Variants in RUNX2 observed in about 807,000 individuals in gnomAD.
The protein encoded by RUNX2 is RUNX family transcription factor 2.
A neutral mutation model predicts 51.7 loss-of-function variants in RUNX2; 10 were observed. The observed-to-expected ratio is 0.19, with a 90% CI of 0.12 to 0.33. The LOEUF (loss-of-function observed/expected upper bound fraction) is 0.33, where lower values mean the gene tolerates loss of function less well. Ranked by LOEUF, RUNX2 falls within the 10% of genes least tolerant of loss-of-function variation. The pLI, the probability that RUNX2 is intolerant of heterozygous loss-of-function variation, is 1.00. For synonymous variants in RUNX2, 276 were observed against 273.6 expected (o/e 1.01, Z -0.09); for missense variants, 562 against 691.3 (o/e 0.81, Z 2.10).
At chr6:45,428,389 TC>T (rs1380739986) in intron 3 of RUNX2, among the ~76,000 whole-genome samples, 2 of 151,912 alleles carry the variant, frequency 1.3e-5, no homozygotes, top group Non-Finnish European at 2.9e-5. Flanking sequence ...ATACAGTACT[TC>T]CCCCAACTCC....
chr6:45,549,282 C>A lies in RUNX2; in HGVS notation c.*1977C>A. 1 of 398,518 alleles carries A rather than the reference C, an allele frequency of 2.5e-6. No individual in the cohort carries two copies. Among genetic ancestry groups the A allele is most frequent in the Non-Finnish European group, 4.4e-6 (1 of 226,044 alleles). The allele number at this position is 398,518 out of a possible 1,614,324, so 24.7% of individuals were successfully genotyped here. ...AATTTAGCAGAGATTTGCCTTCAAA[C>A]CCTAACGGCCCCCTTGTTCTCTGGT... is the stretch of plus-strand genomic sequence containing the variant. On this transcript the variant is annotated 3_prime_UTR_variant, in exon 9 of 9. Coordinates refer to ENST00000647337, the MANE Select transcript of RUNX2 (RefSeq NM_001024630.4).
At chr6:45,328,588 T>A in intron 1 of RUNX2, 73 bp from the exon 2 acceptor site, 1 of 1,583,198 alleles carries the variant, frequency 6.3e-7, no homozygotes. Context: ...CAGAAAAAAA[T>A]AAATATAAAG....
At chr6:45,540,100 G>T (rs1802170306) in intron 7 of RUNX2, among the ~76,000 whole-genome samples, 1 of 152,150 alleles carries the variant, frequency 6.6e-6, no homozygotes, top group Non-Finnish European at 1.5e-5. Flanking sequence ...AGTGTCCTGA[G>T]TATATAATCA....
intron 2 of RUNX2, among the ~76,000 whole-genome samples, chr6:45,344,060 T>C (rs190893819): frequency 1.5e-3 from 234 of 152,292 alleles, no homozygotes; most frequent in African/African-American, 5.2e-3. Flanking sequence ...TATGAGACAA[T>C]TGTATATATG....
intron 5 of RUNX2, among the ~76,000 whole-genome samples, chr6:45,479,950 AC>A (rs1329311714): frequency 1.3e-5 from 2 of 152,212 alleles, no homozygotes; most frequent in Non-Finnish European, 2.9e-5. Context: ...AATACTTGGC[AC>A]CTTTAGTGAC....
chr6:45,433,945 G>A (rs1004987396), intron 4 of RUNX2, among the ~76,000 whole-genome samples: 1 of 152,184 alleles, frequency 6.6e-6, no homozygotes, highest in African/African-American at 2.4e-5. Flanking sequence ...TTCCTTTGAA[G>A]CAGCCGGGAC....
At chr6:45,342,575 T>A (rs1406730942) in intron 2 of RUNX2, among the ~76,000 whole-genome samples, 1 of 152,140 alleles carries the variant, frequency 6.6e-6, no homozygotes, top group Non-Finnish European at 1.5e-5. Context: ...TCTCCATTTT[T>A]AAAAATAATA....
chr6:45,423,009 C>A, intron 3 of RUNX2, 52 bp downstream of exon 3: 2 of 1,589,670 alleles, frequency 1.3e-6, no homozygotes, highest in Non-Finnish European at 1.7e-6. Context: ...GGAACCTGCC[C>A]GCCGGTGTCT....
chr6:45,545,213 A>G lies in RUNX2; in HGVS notation c.1022-4A>G, dbSNP rs2150451973. The G allele has an allele frequency of 7.8e-6, 12 of 1,546,242 alleles. No homozygotes were observed. The highest frequency in any genetic ancestry group is 2.4e-5 in the South Asian group (2 of 83,972). On this transcript the variant is annotated splice_region_variant and splice_polypyrimidine_tract_variant and intron_variant, in intron 7 of 8. Transcript: ENST00000647337. ...ACTTAGAGCTCATCCCCCTCATTTT[A>G]CAGATGATGACACTGCCACCTCTGA...
At chr6:45,542,083 G>A (rs1409177983) in intron 7 of RUNX2, among the ~76,000 whole-genome samples, 5 of 152,078 alleles carry the variant, frequency 3.3e-5, no homozygotes, top group South Asian at 2.1e-4. Context: ...AGCAGCATTC[G>A]AAAACAGTGT....
At chr6:45,524,071 A>G (rs1801596127) in intron 7 of RUNX2, among the ~76,000 whole-genome samples, 1 of 152,152 alleles carries the variant, frequency 6.6e-6, no homozygotes, top group Admixed American at 6.5e-5. Context: ...TGTGGACAAC[A>G]CTTTGTTTCA....
At chr6:45,527,830 AGTACAATGAT>A (rs1270611578) in intron 7 of RUNX2, among the ~76,000 whole-genome samples, 1 of 152,246 alleles carries the variant, frequency 6.6e-6, no homozygotes, top group African/African-American at 2.4e-5. Context: ...CCCAGATTTT[AGTACAATGAT>A]GTACAATGAT....
At chr6:45,366,268 G>A (rs1175258089) in intron 2 of RUNX2, among the ~76,000 whole-genome samples, 1 of 152,206 alleles carries the variant, frequency 6.6e-6, no homozygotes, top group Non-Finnish European at 1.5e-5. Flanking sequence ...TAAGAGGGCA[G>A]GTTCTGGGGT....
intron 5 of RUNX2, among the ~76,000 whole-genome samples, chr6:45,460,094 G>A (rs1230685518): frequency 6.6e-6 from 1 of 152,168 alleles, no homozygotes; most frequent in Non-Finnish European, 1.5e-5. Context: ...CCATGAGTTG[G>A]CCTTCAGGCT....
At chr6:45,482,262 C>T (rs957483911) in intron 5 of RUNX2, among the ~76,000 whole-genome samples, 1 of 152,152 alleles carries the variant, frequency 6.6e-6, no homozygotes, top group African/African-American at 2.4e-5. Context: ...TCAGACGTCT[C>T]AAGTTTTTTT....
chr6:45,499,870 C>A (rs1370667434), intron 6 of RUNX2, among the ~76,000 whole-genome samples: 2 of 152,056 alleles, frequency 1.3e-5, no homozygotes, highest in African/African-American at 4.8e-5. Context: ...TATTCTTTTC[C>A]AACACATCAT....
chr6:45,500,023 G>A (rs1186178288), intron 6 of RUNX2, among the ~76,000 whole-genome samples: 1 of 152,032 alleles, frequency 6.6e-6, no homozygotes, highest in African/African-American at 2.4e-5. Context: ...CTTTTGTGAT[G>A]GACTATGGGC....
intron 5 of RUNX2, among the ~76,000 whole-genome samples, chr6:45,478,821 A>T (rs1049814391): frequency 1.3e-5 from 2 of 152,168 alleles, no homozygotes; most frequent in African/African-American, 4.8e-5. Context: ...TTTCAGTCAC[A>T]TGTTCTCTTT....
At chr6:45,406,318 T>A (rs148857566) in intron 2 of RUNX2, among the ~76,000 whole-genome samples, 261 of 152,256 alleles carry the variant, frequency 1.7e-3, no homozygotes, top group African/African-American at 6.0e-3. Context: ...AAGTAGTAAG[T>A]GGTGTGTTCT....
Sources: allele counts gnomAD v4.1 joint callset (sites outside exome capture counted in the v4.1 genomes callset), GRCh38; gene constraint gnomAD v4.1.1; transcripts MANE v1.5; gene names NCBI Gene and HGNC (gene_info 2026-07-23, HGNC 2026-07-21).